DLGAP4: variants seen among roughly 807,000 people sequenced by gnomAD.
DLGAP4 encodes the protein DLG associated protein 4, also known as disks large-associated protein 4.
A neutral mutation model predicts 86.9 loss-of-function variants in DLGAP4; 18 were observed. The observed-to-expected ratio is 0.21, with a 90% CI of 0.14 to 0.31. The LOEUF (loss-of-function observed/expected upper bound fraction) is 0.31, where lower values mean the gene tolerates loss of function less well. Among genes scored for constraint, DLGAP4 ranks in the 10% least tolerant of loss-of-function variants. The probability of loss-of-function intolerance (pLI) is 1.00; values close to 1 mark genes in which losing one functional copy is unlikely to be tolerated. For missense variants in DLGAP4, 1,085 were observed against 1,362.6 expected (o/e 0.80, Z 3.21); for synonymous variants, 548 against 574.3 (o/e 0.95, Z 0.65).
intron 8 of DLGAP4, 87 bp downstream of exon 8, chr20:36,497,153 C>A: frequency 6.6e-7 from 1 of 1,508,792 alleles, no homozygotes; most frequent in South Asian, 1.4e-5. Flanking sequence ...CCCACTAGGT[C>A]TCCTGGGAAA....
intron 2 of DLGAP4, among the ~76,000 whole-genome samples, chr20:36,385,589 A>G (rs1178312986): frequency 1.3e-5 from 2 of 152,190 alleles, no homozygotes; most frequent in Admixed American, 6.5e-5. Context: ...GCTGACAGAC[A>G]TTCCTTCGGG....
At chr20:36,409,555 A>C (rs1237389987) in intron 2 of DLGAP4, among the ~76,000 whole-genome samples, 1 of 151,304 alleles carries the variant, frequency 6.6e-6, no homozygotes, top group Non-Finnish European at 1.5e-5. Flanking sequence ...TCTCTACAAA[A>C]AATACAAAAA....
At chr20:36,407,819 G>A (rs1314632997) in intron 2 of DLGAP4, among the ~76,000 whole-genome samples, 1 of 152,092 alleles carries the variant, frequency 6.6e-6, no homozygotes, top group East Asian at 1.9e-4. Flanking sequence ...GGCGTGGGCT[G>A]GAGATGCTAC....
At chr20:36,385,662 G>A (rs2031569589) in intron 2 of DLGAP4, among the ~76,000 whole-genome samples, 1 of 152,192 alleles carries the variant, frequency 6.6e-6, no homozygotes, top group African/African-American at 2.4e-5. Context: ...GGCCAGCTCT[G>A]GCTGTTCCTC....
At chr20:36,506,906 G>A (rs1202064922) in intron 10 of DLGAP4, among the ~76,000 whole-genome samples, 1 of 152,136 alleles carries the variant, frequency 6.6e-6, no homozygotes, top group African/African-American at 2.4e-5. Flanking sequence ...CATGTAAGTG[G>A]AACCATGCAG....
rs764797081 is a variant in DLGAP4 at position 36,489,855 on chromosome 20, CTTTTTTTTTTT to C, written c.1649-6837_1649-6827del. On this transcript the variant is annotated intron_variant, in intron 7 of 12. Transcript: ENST00000339266. ...GTAAAGTTTGATGTTGCTAATTCTTCTTTTTTTTTTTTTTTTTTTTTTTGATGGAGTCTTGC... is the reference window on the plus strand; with the variant it reads ...GTAAAGTTTGATGTTGCTAATTCTTCTTTTTTTTTTTTGATGGAGTCTTGC... Among the ~76,000 whole-genome samples the C allele has an allele frequency of 6.5e-5, 7 of 107,994 alleles. No individual in the cohort carries two copies. The East Asian group carries it at 1.5e-3, about 23-fold the overall frequency. The allele number at this position is 107,994 out of a possible 152,430, so 70.8% of individuals were successfully genotyped here.
chr20:36,439,361 G>A (rs1389742455), intron 4 of DLGAP4, among the ~76,000 whole-genome samples: 2 of 152,242 alleles, frequency 1.3e-5, no homozygotes, highest in Non-Finnish European at 2.9e-5. Context: ...CCCAGAATGA[G>A]GACTGGGGGA....
In DLGAP4 at chr20:36,431,301, G is replaced by C. The variant is rs2033124041; in HGVS notation, c.-72-345G>C. On this transcript the variant is annotated intron_variant, in intron 2 of 12. Transcript: ENST00000339266. The surrounding 1 kb of genome is among the most constrained non-coding windows in gnomAD (Gnocchi z 5.1). ...TGAGGGACAGAGTCAGAAACGGAAA[G>C]AGAGTGGAGGATGGGCAGCCCCCCA... Among the ~76,000 whole-genome samples, 1 of 151,948 alleles carries C rather than the reference G, an allele frequency of 6.6e-6. No individual in the cohort carries two copies.
intron 7 of DLGAP4, chr20:36,462,483 G>T: frequency 6.3e-7 from 1 of 1,577,560 alleles, no homozygotes; most frequent in Non-Finnish European, 8.6e-7. Context: ...CTAGCCCCCT[G>T]TCTCCCCTTC....
chr20:36,340,617 G>A (rs2065369872), intron 1 of DLGAP4, among the ~76,000 whole-genome samples: 1 of 152,140 alleles, frequency 6.6e-6, no homozygotes, highest in Admixed American at 6.5e-5. Context: ...CATCAGATCA[G>A]CGGCATTAGT....
At chr20:36,494,062 A>G (rs1304232565) in intron 7 of DLGAP4, among the ~76,000 whole-genome samples, 2 of 152,274 alleles carry the variant, frequency 1.3e-5, no homozygotes, top group East Asian at 3.9e-4. Flanking sequence ...TCTGGCCCAG[A>G]GAGGTAGCTG....
Position 36,408,322 on chromosome 20 carries a change from G to T in DLGAP4, c.-72-23324G>T, listed in dbSNP as rs62210508. The stretch of plus-strand genomic sequence containing the variant: ...CCTGTTGACAGCTGGGCTCAGCTCC[G>T]CTAAAGACCCCTGGAGGACCAAGCA... On this transcript the variant is annotated intron_variant, in intron 2 of 12. Coordinates refer to ENST00000339266, the MANE Select transcript of DLGAP4 (RefSeq NM_001365621.2). Among the ~76,000 whole-genome samples, 1,086 of 151,922 alleles carry T rather than the reference G, an allele frequency of 7.1e-3. 16 individuals carry two copies. Among genetic ancestry groups the T allele is most frequent in the African/African-American group, 0.025 (1,049 of 41,446 alleles).
intron 1 of DLGAP4, among the ~76,000 whole-genome samples, chr20:36,335,172 T>C (rs1358238368): frequency 2.0e-5 from 3 of 152,096 alleles, no homozygotes; most frequent in African/African-American, 4.8e-5. Context: ...AAGCCTTCCA[T>C]GGGGAGACTA....
chr20:36,385,316 AG>A, intron 2 of DLGAP4, among the ~76,000 whole-genome samples: 1 of 152,236 alleles, frequency 6.6e-6, no homozygotes, highest in South Asian at 2.1e-4. Context: ...TTCCACCTCT[AG>A]CTTAGCGGAA....
At chr20:36,386,483 GGGGA>G (rs1003544873) in intron 2 of DLGAP4, among the ~76,000 whole-genome samples, 1 of 151,790 alleles carries the variant, frequency 6.6e-6, no homozygotes, top group South Asian at 2.1e-4. Flanking sequence ...AAGAGGGATG[GGGGA>G]GGGAGGGAGG....
At chr20:36,496,193 G>C (rs1294037383) in intron 7 of DLGAP4, among the ~76,000 whole-genome samples, 9 of 152,010 alleles carry the variant, frequency 5.9e-5, no homozygotes, top group Admixed American at 5.2e-4. Flanking sequence ...TTTTTGACCA[G>C]GTGGAGAGGG....
chr20:36,527,034 C>G lies in DLGAP4; in HGVS notation c.*3C>G. The G allele has an allele frequency of 6.3e-7, 1 of 1,588,836 alleles. No individual in the cohort carries two copies. The highest frequency in any genetic ancestry group is 1.9e-5 in the Admixed American group (1 of 53,248). ...CGGAGGCCCAGACCAGGCTCTGAGACCATGCAGGAGGAAAGAAACGATTTT... is the reference window on the plus strand; with the variant it reads ...CGGAGGCCCAGACCAGGCTCTGAGAGCATGCAGGAGGAAAGAAACGATTTT... On this transcript the variant is annotated 3_prime_UTR_variant, in exon 13 of 13. Coordinates refer to ENST00000339266, the MANE Select transcript of DLGAP4 (RefSeq NM_001365621.2).
intron 10 of DLGAP4, among the ~76,000 whole-genome samples, chr20:36,521,694 T>C (rs2037388183): frequency 6.6e-6 from 1 of 152,230 alleles, no homozygotes; most frequent in Admixed American, 6.5e-5. Flanking sequence ...CTTGTTTCTA[T>C]GATGGCCTGA....
At position 36,524,332 on chromosome 20, in the gene DLGAP4, G is replaced by A. The variant is rs1331766079; in HGVS notation, c.2595G>A (p.Glu865=). 2.5e-6 allele frequency: 4 copies of A among 1,612,712 alleles called. No individual in the cohort carries two copies. The highest frequency in any genetic ancestry group is 2.7e-5 in the African/African-American group (2 of 74,910). The change falls in exon 11 of 13, where the codon GAG becomes GAA. Residue 865 remains glutamate (E), a synonymous_variant. Transcript: ENST00000339266. ...QKFQQFRGLC[E]QNLNPDANPR... ...TCCAGCAGTTCCGGGGCCTCTGTGA[G>A]CAAAACTTGGTGAGTGTGATTCTCC...
Sources: allele counts gnomAD v4.1 joint callset (sites outside exome capture counted in the v4.1 genomes callset), GRCh38; gene constraint gnomAD v4.1.1; non-coding constraint Gnocchi (gnomAD v3.1); transcripts MANE v1.5; gene names NCBI Gene and HGNC (gene_info 2026-07-23, HGNC 2026-07-21).